TMEM132D: variants seen among roughly 807,000 people sequenced by gnomAD.
TMEM132D encodes transmembrane protein 132D, also known as mature OL transmembrane protein.
A neutral mutation model predicts 62.3 loss-of-function variants in TMEM132D; 21 were observed. That is an observed-to-expected ratio of 0.34 (90% CI 0.24 to 0.49). The LOEUF (loss-of-function observed/expected upper bound fraction) is 0.49, where lower values mean the gene tolerates loss of function less well. TMEM132D is among the 20% of genes least tolerant of loss of function. The pLI, the probability that TMEM132D is intolerant of heterozygous loss-of-function variation, is 0.99. For missense variants in TMEM132D, 1,346 were observed against 1,402.8 expected (o/e 0.96, Z 0.65); for synonymous variants, 621 against 575.6 (o/e 1.08, Z -1.13).
At chr12:129,301,046 C>T (rs535635669) in intron 4 of TMEM132D, among the ~76,000 whole-genome samples, 1 of 152,230 alleles carries the variant, frequency 6.6e-6, no homozygotes, top group Non-Finnish European at 1.5e-5. Flanking sequence ...GCCACGACTC[C>T]AAATACCCTG....
At chr12:129,896,238 TG>T (rs1283226354) in intron 1 of TMEM132D, among the ~76,000 whole-genome samples, 2 of 152,030 alleles carry the variant, frequency 1.3e-5, no homozygotes, top group Non-Finnish European at 2.9e-5. Context: ...TCCTCCCACC[TG>T]GGCCCCCCAA....
At chr12:129,202,621 T>A (rs1211430487) in intron 5 of TMEM132D, among the ~76,000 whole-genome samples, 2 of 152,166 alleles carry the variant, frequency 1.3e-5, no homozygotes, top group Non-Finnish European at 2.9e-5. Flanking sequence ...GGATAATGTG[T>A]CTATCCCTGA....
rs1239745551 is a variant in TMEM132D, at chr12:129,827,526, T to C, written c.79+75735A>G. Among the ~76,000 whole-genome samples the C allele has an allele frequency of 6.6e-6, 1 of 152,236 alleles. No homozygotes were observed. The highest frequency in any genetic ancestry group is 1.9e-4 in the East Asian group (1 of 5,200). ...ATTTTACTTCTATGGCTGATTAGACTGAGTCCACAGTAATTTCTGTCCTTC... is the reference window on the plus strand; with the variant it reads ...ATTTTACTTCTATGGCTGATTAGACCGAGTCCACAGTAATTTCTGTCCTTC... On this transcript the variant is annotated intron_variant, in intron 1 of 8. Coordinates refer to ENST00000422113, the MANE Select transcript of TMEM132D (RefSeq NM_133448.3). The surrounding 1 kb of genome is among the most constrained non-coding windows in gnomAD (Gnocchi z 9.7).
intron 3 of TMEM132D, among the ~76,000 whole-genome samples, chr12:129,379,063 G>A (rs745635438): frequency 6.6e-6 from 1 of 152,178 alleles, no homozygotes; most frequent in South Asian, 2.1e-4. Flanking sequence ...GTAATAAATC[G>A]TGTTAAATAT....
chr12:129,549,644 A>G (rs1452352850), intron 2 of TMEM132D, among the ~76,000 whole-genome samples: 1 of 152,178 alleles, frequency 6.6e-6, no homozygotes, highest in Non-Finnish European at 1.5e-5. Flanking sequence ...AGTCGCAGGT[A>G]TGTCTTTATC....
intron 3 of TMEM132D, among the ~76,000 whole-genome samples, chr12:129,441,850 G>A (rs1171147445): frequency 6.6e-6 from 1 of 152,194 alleles, no homozygotes. Flanking sequence ...CATGGATGCA[G>A]TGGGAGGCTG....
At chr12:129,891,470 C>A (rs998355235) in intron 1 of TMEM132D, among the ~76,000 whole-genome samples, 6 of 152,178 alleles carry the variant, frequency 3.9e-5, no homozygotes, top group African/African-American at 1.4e-4. Flanking sequence ...CCGTTGGGTG[C>A]GGCTGAAATT....
intron 2 of TMEM132D, among the ~76,000 whole-genome samples, chr12:129,615,479 G>T (rs1878888649): frequency 6.6e-6 from 1 of 151,406 alleles, no homozygotes; most frequent in African/African-American, 2.4e-5. Flanking sequence ...GACCAGGCAT[G>T]GTGGCTCACA....
At chr12:129,483,295 A>G (rs1874483681) in intron 3 of TMEM132D, among the ~76,000 whole-genome samples, 1 of 152,178 alleles carries the variant, frequency 6.6e-6, no homozygotes, top group African/African-American at 2.4e-5. Context: ...AGAAGCTTCC[A>G]GAAGGCTTTG....
chr12:129,217,670 T>C (rs1879243536), intron 4 of TMEM132D, among the ~76,000 whole-genome samples: 1 of 152,110 alleles, frequency 6.6e-6, no homozygotes, highest in Non-Finnish European at 1.5e-5. Flanking sequence ...TTTGAAGAAA[T>C]GGACATAAAA....
chr12:129,281,299 G>GTA, intron 4 of TMEM132D, among the ~76,000 whole-genome samples: 1 of 152,116 alleles, frequency 6.6e-6, no homozygotes, highest in Non-Finnish European at 1.5e-5. Flanking sequence ...AACCAGGAAG[G>GTA]TGTCATTTGT....
At chr12:129,343,913 G>T (rs1869600424) in intron 3 of TMEM132D, among the ~76,000 whole-genome samples, 1 of 152,090 alleles carries the variant, frequency 6.6e-6, no homozygotes, top group African/African-American at 2.4e-5. Context: ...CTCCAACCTG[G>T]GTGACAGAGC....
Position 129,699,944 on chromosome 12 carries a change from T to C in TMEM132D, c.834A>G (p.Lys278=), listed in dbSNP as rs1166408212. ...GSIFLYQTHR[K]PSLRELRLDN... is the part of the protein sequence containing the mutation. ...CCAGACGCAGTTCTCTCAGGGAGGG[T>C]TTCCTGTGTGTCTGATAAAGGAAGA... The change falls in exon 2 of 9, where the codon AAA becomes AAG. Residue 278 remains lysine (K), a synonymous_variant. Transcript: ENST00000422113. The C allele has an allele frequency of 6.2e-7, 1 of 1,613,934 alleles. No individual in the cohort carries two copies. Among genetic ancestry groups the C allele is most frequent in the Non-Finnish European group, 8.5e-7 (1 of 1,179,990 alleles).
intron 2 of TMEM132D, among the ~76,000 whole-genome samples, chr12:129,660,981 A>T (rs184798564): frequency 1.3e-5 from 2 of 152,294 alleles, no homozygotes; most frequent in East Asian, 3.9e-4. Context: ...ATTTTTCCAA[A>T]ACCTAATGTA....
intron 3 of TMEM132D, among the ~76,000 whole-genome samples, chr12:129,442,008 G>C (rs990212532): frequency 6.6e-6 from 1 of 152,138 alleles, no homozygotes; most frequent in Non-Finnish European, 1.5e-5. Context: ...GAGAGGCAAG[G>C]CTTGAAAAAC....
intron 4 of TMEM132D, among the ~76,000 whole-genome samples, chr12:129,255,823 C>A (rs184653016): frequency 1.3e-5 from 2 of 152,316 alleles, no homozygotes; most frequent in South Asian, 2.1e-4. Context: ...AGAGGGTTCT[C>A]TTTTACAGAA....
At chr12:129,290,302 G>A (rs1257421808) in intron 4 of TMEM132D, among the ~76,000 whole-genome samples, 1 of 152,020 alleles carries the variant, frequency 6.6e-6, no homozygotes, top group Non-Finnish European at 1.5e-5. Context: ...TGCATGGAAG[G>A]GCATCCCGAC....
chr12:129,254,246 T>C (rs1425160404), intron 4 of TMEM132D, among the ~76,000 whole-genome samples: 73 of 152,226 alleles, frequency 4.8e-4, no homozygotes, highest in Non-Finnish European at 1.5e-5. Flanking sequence ...ACATAAATGT[T>C]TGAGGTGATG....
chr12:129,292,223 G>A (rs765060634), intron 4 of TMEM132D, among the ~76,000 whole-genome samples: 2 of 152,128 alleles, frequency 1.3e-5, no homozygotes, highest in Non-Finnish European at 2.9e-5. Context: ...CTTCCTTTTT[G>A]TTACACTGAT....
Sources: gnomAD v4.1 joint callset for allele counts (sites outside exome capture counted in the v4.1 genomes callset) on GRCh38, gnomAD v4.1.1 for gene constraint, Gnocchi (gnomAD v3.1) non-coding constraint, MANE v1.5 for transcripts, NCBI Gene and HGNC (gene_info 2026-07-23, HGNC 2026-07-21) for gene names.